The following PREX2 variants were observed in gnomAD, a reference collection of about 807,000 sequenced individuals.
PREX2 encodes phosphatidylinositol-3,4,5-trisphosphate dependent Rac exchange factor 2.
A neutral mutation model predicts 203.2 loss-of-function variants in PREX2; 107 were observed. That is an observed-to-expected ratio of 0.53 (90% CI 0.45 to 0.62). The LOEUF (loss-of-function observed/expected upper bound fraction) is 0.62. Ranked by LOEUF, PREX2 falls within the 20% of genes least tolerant of loss-of-function variation. The probability of loss-of-function intolerance (pLI) is 0.00; values close to 1 mark genes in which losing one functional copy is unlikely to be tolerated. For missense variants in PREX2, 1,777 were observed against 1,955.9 expected, an observed-to-expected ratio of 0.91 and a Z score of 1.72; for synonymous variants, 672 against 663.6, an observed-to-expected ratio of 1.01 and a Z score of -0.19.
intron 32 of PREX2, among the ~76,000 whole-genome samples, chr8:68,134,852 T>C (rs1406571231): frequency 1.3e-5 from 2 of 152,250 alleles, no homozygotes; most frequent in African/African-American, 4.8e-5. Flanking sequence ...ACAGTGGATA[T>C]GATGAAAGCA....
At chr8:67,957,779 T>A (rs1028873076) in intron 1 of PREX2, among the ~76,000 whole-genome samples, 6 of 152,230 alleles carry the variant, frequency 3.9e-5, no homozygotes, top group Admixed American at 6.5e-5. Context: ...GCTTAAGGTT[T>A]ATGTTATGGA....
chr8:68,109,112 A>C, intron 24 of PREX2: 1 of 443,340 alleles, frequency 2.3e-6, no homozygotes, highest in Non-Finnish European at 4.2e-6. Flanking sequence ...TAAGAGGAAT[A>C]AGTTCAAGAG....
intron 1 of PREX2, among the ~76,000 whole-genome samples, chr8:68,009,498 T>A (rs1807202555): frequency 6.6e-6 from 1 of 152,292 alleles, no homozygotes; most frequent in African/African-American, 2.4e-5. Context: ...AATAAGGCAA[T>A]TTAATAGAGA....
chr8:68,002,973 G>A (rs1023797028), intron 1 of PREX2, among the ~76,000 whole-genome samples: 1 of 152,146 alleles, frequency 6.6e-6, no homozygotes, highest in Non-Finnish European at 1.5e-5. Flanking sequence ...GGGACAGAAA[G>A]CTCTCTGGAG....
rs370152021 is a variant in PREX2 at position 68,198,076 on chromosome 8, G to T, written c.4604+5551G>T. Among the ~76,000 whole-genome samples, 3 of 152,182 alleles carry T rather than the reference G, an allele frequency of 2.0e-5. No individual in the cohort carries two copies. In the South Asian group the frequency reaches 6.2e-4, roughly 32 times the overall value. ...GTGTCAAAGAGTTTAAACCTTCTTGGTTAATATATTGTTCAAGTTCCCAAA... is the reference window on the plus strand; with the variant it reads ...GTGTCAAAGAGTTTAAACCTTCTTGTTTAATATATTGTTCAAGTTCCCAAA... On this transcript the variant is annotated intron_variant, in intron 37 of 39. Coordinates refer to ENST00000288368, the MANE Select transcript of PREX2 (RefSeq NM_024870.4).
chr8:68,086,444 T>C (rs1809695006), intron 18 of PREX2, among the ~76,000 whole-genome samples: 1 of 152,210 alleles, frequency 6.6e-6, no homozygotes, highest in East Asian at 1.9e-4. Flanking sequence ...AATATGCCCT[T>C]GAAGTGCTGC....
intron 7 of PREX2, among the ~76,000 whole-genome samples, chr8:68,040,348 T>A (rs575354284): frequency 1.3e-3 from 195 of 152,186 alleles, no homozygotes; most frequent in African/African-American, 4.5e-3. Context: ...AAATTCACAC[T>A]CCTTACCCTA....
rs751789846 is a variant in PREX2, at chr8:68,060,734, G to C, written c.1294G>C (p.Val432Leu). 1 of 1,612,684 alleles carries C rather than the reference G, an allele frequency of 6.2e-7. No individual in the cohort carries two copies. Among genetic ancestry groups the C allele is most frequent in the Admixed American group, 1.7e-5 (1 of 59,846 alleles). ...AGAGATTCACAGGCCTGAGGAAGGC[G>C]TGCACTTGGGACAAGCATTATTAGA... is the stretch of plus-strand genomic sequence containing the variant. ...IGEIHRPEEGVHLGQALLENG... is the reference protein window; with the variant it reads ...IGEIHRPEEGLHLGQALLENG... Residue 432 changes from valine (V) to leucine (L), a missense_variant, in exon 11 of 40, where the codon GTG becomes CTG. By Grantham distance (32) the Val-to-Leu change is conservative. Coordinates refer to ENST00000288368, the MANE Select transcript of PREX2 (RefSeq NM_024870.4).
At chr8:68,033,211 T>G (rs966073804) in intron 6 of PREX2, among the ~76,000 whole-genome samples, 15 of 152,166 alleles carry the variant, frequency 9.9e-5, no homozygotes, top group African/African-American at 3.6e-4. Flanking sequence ...CAATTGAAAT[T>G]TCTTGTTTGC....
At chr8:68,020,813 G>C (rs1222627910) in intron 3 of PREX2, among the ~76,000 whole-genome samples, 1 of 152,176 alleles carries the variant, frequency 6.6e-6, no homozygotes, top group African/African-American at 2.4e-5. Flanking sequence ...CTTGCACCCT[G>C]ACATCCATTT....
At chr8:68,080,719 C>A in intron 16 of PREX2, 27 bp from the exon 17 acceptor site, 1 of 1,492,498 alleles carries the variant, frequency 6.7e-7, no homozygotes, top group South Asian at 1.2e-5. Context: ...GTTGCTTTAT[C>A]AATAATGTTA....
chr8:67,965,316 C>T (rs1365776400), intron 1 of PREX2, among the ~76,000 whole-genome samples: 1 of 152,082 alleles, frequency 6.6e-6, no homozygotes, highest in African/African-American at 2.4e-5. Context: ...TAATTTAAGT[C>T]CTCTGGGATC....
Position 68,099,695 on chromosome 8 carries a change from T to C in PREX2, c.2567T>C (p.Leu856Pro). ...FSLTAKILEA[L>P]AKSDEHFVQN... is the part of the protein sequence containing the mutation. ...TTGTCATTGCAGATTCTTGAAGCCC[T>C]GGCTAAAAGTGATGAGCATTTTGTA... The change falls in exon 23 of 40, where the codon CTG (leucine) becomes CCG (proline). Residue 856 changes from leucine (L) to proline (P), a missense_variant. Physicochemically the swap from Leu to Pro is moderately conservative, Grantham distance 98 (BLOSUM62 -3). Transcript: ENST00000288368. The C allele has an allele frequency of 6.2e-7, 1 of 1,613,384 alleles. No individual in the cohort carries two copies. Among genetic ancestry groups the C allele is most frequent in the South Asian group, 1.1e-5 (1 of 91,048 alleles).
At chr8:67,961,288 A>G (rs1805626448) in intron 1 of PREX2, among the ~76,000 whole-genome samples, 1 of 152,078 alleles carries the variant, frequency 6.6e-6, no homozygotes, top group South Asian at 2.1e-4. Flanking sequence ...CATTTTATTT[A>G]TATTTACTTT....
chr8:68,077,504 A>G (rs970068867), intron 15 of PREX2, 35 bp downstream of exon 15: 1 of 1,457,498 alleles, frequency 6.9e-7, no homozygotes, highest in Non-Finnish European at 9.6e-7. Context: ...TTACAGATGT[A>G]TTTCATCACG....
intron 1 of PREX2, among the ~76,000 whole-genome samples, chr8:67,971,358 C>T (rs1478651685): frequency 1.3e-5 from 2 of 152,156 alleles, no homozygotes; most frequent in African/African-American, 2.4e-5. Context: ...GCTTGGACCT[C>T]GGTCCAGACC....
At chr8:68,120,624 G>C (rs923310691) in intron 29 of PREX2, among the ~76,000 whole-genome samples, 1 of 152,174 alleles carries the variant, frequency 6.6e-6, no homozygotes, top group Non-Finnish European at 1.5e-5. Flanking sequence ...TGAGGAAAGG[G>C]TGTGGGGAAT....
At chr8:68,019,103 C>A (rs1390794519) in intron 2 of PREX2, among the ~76,000 whole-genome samples, 1 of 152,248 alleles carries the variant, frequency 6.6e-6, no homozygotes, top group African/African-American at 2.4e-5. Flanking sequence ...TCACTGCCAT[C>A]CAGGTTATCA....
At chr8:68,084,760 G>T (rs2129612040) in intron 18 of PREX2, among the ~76,000 whole-genome samples, 1 of 152,250 alleles carries the variant, frequency 6.6e-6, no homozygotes, top group Non-Finnish European at 1.5e-5. Context: ...AGACTGTCCT[G>T]CTTGCCCACC....
Sources: allele counts gnomAD v4.1 joint callset (sites outside exome capture counted in the v4.1 genomes callset), GRCh38; gene constraint gnomAD v4.1.1; transcripts MANE v1.5; gene names NCBI Gene and HGNC (gene_info 2026-07-23, HGNC 2026-07-21).